The following TP53BP1 variants were observed in gnomAD, a reference collection of about 807,000 sequenced individuals.
TP53BP1 encodes tumor protein p53 binding protein 1, also known as TP53-binding protein 1.
In TP53BP1, 61 loss-of-function variants were observed where a neutral mutation model predicts 200.8. That is an observed-to-expected ratio of 0.30 (90% CI 0.25 to 0.38). The LOEUF (loss-of-function observed/expected upper bound fraction) is 0.38, where lower values mean the gene tolerates loss of function less well. TP53BP1 is among the 10% of genes least tolerant of loss of function. The pLI, the probability that TP53BP1 is intolerant of heterozygous loss-of-function variation, is 1.00. For missense variants in TP53BP1, 2,144 were observed against 2,371.9 expected (o/e 0.90, Z 2.00); for synonymous variants, 822 against 844.3 (o/e 0.97, Z 0.46).
chr15:43,473,640 A>T lies in TP53BP1; in HGVS notation c.1180+1033T>A, dbSNP rs143707417. ...ACGTCCCACCAGAGCAGCCAGATAC[A>T]GAGTGTGGATTGGTGCATTCACAAA... On this transcript the variant is annotated intron_variant, in intron 10 of 27. Transcript: ENST00000382044. Among the ~76,000 whole-genome samples, 292 of 152,208 alleles carry T rather than the reference A, an allele frequency of 1.9e-3. 1 individual carries two copies. Among genetic ancestry groups the T allele is most frequent in the African/African-American group, 6.7e-3 (279 of 41,494 alleles).
At position 43,405,522 on chromosome 15, in the gene TP53BP1, G is replaced by C. The variant is rs2044839767; in HGVS notation, c.*1861C>G. ...AGCACCTACTACGTACCTTGGTACT[G>C]TTCAAGCTGTGGGAGATACAGCGGT... On this transcript the variant is annotated 3_prime_UTR_variant, in exon 28 of 28. Coordinates refer to ENST00000382044, the MANE Select transcript of TP53BP1 (RefSeq NM_001141980.3). 2.6e-6 allele frequency: 1 copy of C among 384,196 alleles called. No individual in the cohort carries two copies. The allele number at this position is 384,196 out of a possible 1,614,324, so 23.8% of individuals were successfully genotyped here. A position where few individuals can be genotyped will look rare whatever the true frequency, so the allele number is the denominator to read the frequency against.
At chr15:43,418,180 TAAAAAAAA>T (rs757250428) in intron 21 of TP53BP1, among the ~76,000 whole-genome samples, 4 of 100,342 alleles carry the variant, frequency 4.0e-5, no homozygotes, top group African/African-American at 1.2e-4. Flanking sequence ...GCTCTGTTTT[TAAAAAAAA>T]AAAAAAAAAA....
chr15:43,480,556 C>A (rs549909987), intron 5 of TP53BP1, among the ~76,000 whole-genome samples: 1 of 152,138 alleles, frequency 6.6e-6, no homozygotes, highest in African/African-American at 2.4e-5. Context: ...AAGGAGACTA[C>A]GTCTGCTTTC....
intron 7 of TP53BP1, 97 bp from the exon 8 acceptor site, chr15:43,477,856 C>T: frequency 1.0e-6 from 1 of 962,112 alleles, no homozygotes; most frequent in Non-Finnish European, 1.5e-6. Context: ...TTAATAATTT[C>T]AAAAATTCCA....
chr15:43,439,219 GAGTAC>G (rs1487477440), intron 15 of TP53BP1, among the ~76,000 whole-genome samples: 1 of 152,118 alleles, frequency 6.6e-6, no homozygotes, highest in East Asian at 1.9e-4. Flanking sequence ...AATTTGAACA[GAGTAC>G]AGTTACAAAC....
At chr15:43,420,822 G>C in intron 20 of TP53BP1, 87 bp from the exon 21 acceptor site, 1 of 1,352,002 alleles carries the variant, frequency 7.4e-7, no homozygotes, top group African/African-American at 1.5e-5. Context: ...CTTTGTCCAT[G>C]GGTCTCCTCA....
At chr15:43,494,930 T>C (rs1016403013), upstream of TP53BP1, among the ~76,000 whole-genome samples, 2 of 152,220 alleles carry the variant, frequency 1.3e-5, no homozygotes, top group Non-Finnish European at 2.9e-5. Flanking sequence ...GGCTTACACC[T>C]GTAATCCCAG....
rs1298142154 is a variant in TP53BP1 at position 43,458,978 on chromosome 15, G to C, written c.1390-1760C>G. On this transcript the variant is annotated intron_variant, in intron 11 of 27. Transcript: ENST00000382044. ...ATTCTGCTTGTAGGCATTTACCCAAGAAAAATAAAAATATGTGCCCACAGA... is the reference window on the plus strand; with the variant it reads ...ATTCTGCTTGTAGGCATTTACCCAACAAAAATAAAAATATGTGCCCACAGA... 1.3e-5 allele frequency among the ~76,000 whole-genome samples: 2 copies of C among 151,978 alleles called. 1 individual carries two copies. Among genetic ancestry groups the C allele is most frequent in the Admixed American group, 1.3e-4 (2 of 15,232 alleles).
At chr15:43,488,008 C>T (rs1173946877) in intron 4 of TP53BP1, among the ~76,000 whole-genome samples, 2 of 152,040 alleles carry the variant, frequency 1.3e-5, no homozygotes, top group African/African-American at 2.4e-5. Flanking sequence ...ATTGAAAAAG[C>T]CAATCCCAAG....
At chr15:43,487,918 C>T (rs989963975) in intron 4 of TP53BP1, among the ~76,000 whole-genome samples, 2 of 152,074 alleles carry the variant, frequency 1.3e-5, no homozygotes, top group Non-Finnish European at 2.9e-5. Context: ...GGTACATCCA[C>T]GGCATGGAAG....
chr15:43,499,562 G>C (rs1354785386), intron 1 of TP53BP1, among the ~76,000 whole-genome samples: 1 of 152,152 alleles, frequency 6.6e-6, no homozygotes, highest in Non-Finnish European at 1.5e-5. Context: ...AGTACAGCTA[G>C]GTCTCAAAGG....
upstream of TP53BP1, chr15:43,497,469 C>T: frequency 1.0e-6 from 1 of 985,286 alleles, no homozygotes; most frequent in South Asian, 4.7e-5. Flanking sequence ...CATCCTGTGA[C>T]TCGATAAATC....
At chr15:43,439,050 A>AG (rs1419047781) in intron 15 of TP53BP1, among the ~76,000 whole-genome samples, 1 of 152,140 alleles carries the variant, frequency 6.6e-6, no homozygotes, top group Non-Finnish European at 1.5e-5. Context: ...TTCAGTAGGG[A>AG]GGGGGGTGCT....
intron 12 of TP53BP1, among the ~76,000 whole-genome samples, chr15:43,448,652 G>A (rs2046096607): frequency 6.6e-6 from 1 of 151,500 alleles, no homozygotes; most frequent in African/African-American, 2.4e-5. Context: ...CCATTCTCCT[G>A]CCTCAGCCTC....
chr15:43,490,238 C>T (rs532051301), intron 4 of TP53BP1, among the ~76,000 whole-genome samples: 3 of 152,118 alleles, frequency 2.0e-5, no homozygotes, highest in East Asian at 1.9e-4. Flanking sequence ...TACAGGTACC[C>T]GCTACCACAC....
In TP53BP1 at chr15:43,421,954, C is replaced by T; in HGVS notation, c.4001G>A (p.Ser1334Asn). The T allele has an allele frequency of 6.2e-7, 1 of 1,614,204 alleles. No homozygotes were observed. Among genetic ancestry groups the T allele is most frequent in the Non-Finnish European group, 8.5e-7 (1 of 1,180,044 alleles). The change falls in exon 19 of 28, where the codon AGC becomes AAC. Residue 1334 changes from serine (S) to asparagine (N), a missense_variant. By Grantham distance (46) the Ser-to-Asn change is conservative (BLOSUM62 1). Around this residue, in one of 4 missense-constraint regions of TP53BP1, gnomAD observed 1,700 missense variants for 1,710.3 expected, o/e 0.99. Coordinates refer to ENST00000382044, the MANE Select transcript of TP53BP1 (RefSeq NM_001141980.3). ...TSLSAMHSSG[S>N]SGKGAGPLRG... is the part of the protein sequence containing the mutation. ...GAGTGGTCCGGCTCCTTTCCCTGAG[C>T]TTCCACTGCTGTGCATAGCTGAGAG...
At chr15:43,452,620 T>G (rs2046197370) in intron 12 of TP53BP1, among the ~76,000 whole-genome samples, 1 of 133,526 alleles carries the variant, frequency 7.5e-6, no homozygotes, top group Admixed American at 6.9e-5. Context: ...TTCTAATTTG[T>G]AGTTAAAATT....
At chr15:43,452,788 A>G (rs1221399513) in intron 12 of TP53BP1, among the ~76,000 whole-genome samples, 1 of 152,214 alleles carries the variant, frequency 6.6e-6, no homozygotes, top group Non-Finnish European at 1.5e-5. Flanking sequence ...AAGTTTTACT[A>G]CGGCAAAAAA....
upstream of TP53BP1, among the ~76,000 whole-genome samples, chr15:43,493,451 C>T (rs1049826516): frequency 6.6e-6 from 1 of 152,252 alleles, no homozygotes; most frequent in East Asian, 1.9e-4. Context: ...GTACCTCTAC[C>T]TGCTTTTTCT....
Sources: gnomAD v4.1 joint callset for allele counts (sites outside exome capture counted in the v4.1 genomes callset) on GRCh38, gnomAD v4.1.1 for gene constraint, gnomAD v4.1.1 regional missense constraint, MANE v1.5 for transcripts, NCBI Gene and HGNC (gene_info 2026-07-23, HGNC 2026-07-21) for gene names.